The following HYDIN variants were observed in gnomAD, a reference collection of about 807,000 sequenced individuals.
The protein encoded by HYDIN is axonemal central pair apparatus protein HYDIN.
HYDIN carries 132 observed loss-of-function variants against 403.9 expected under a neutral mutation model. That is an observed-to-expected ratio of 0.33 (90% CI 0.28 to 0.38). The LOEUF is 0.38. HYDIN is among the 10% of genes least tolerant of loss of function. The pLI is 1.00. For missense variants in HYDIN, 2,827 were observed against 5,009.5 expected, an observed-to-expected ratio of 0.56 and a Z score of 13.15; for synonymous variants, 1,202 against 1,891.7, an observed-to-expected ratio of 0.64 and a Z score of 9.46.
intron 18 of HYDIN, among the ~76,000 whole-genome samples, chr16:71,032,183 T>A (rs2080938156): frequency 1.3e-5 from 2 of 152,146 alleles, no homozygotes; most frequent in African/African-American, 4.8e-5. Context: ...ACCGTCCAAT[T>A]CTCAAACAAG....
intron 18 of HYDIN, among the ~76,000 whole-genome samples, chr16:71,055,915 C>G (rs1406745643): frequency 6.6e-6 from 1 of 152,110 alleles, no homozygotes; most frequent in African/African-American, 2.4e-5. Flanking sequence ...CTCTGCCTAG[C>G]AAGGGGCACC....
intron 77 of HYDIN, among the ~76,000 whole-genome samples, chr16:70,836,745 A>C (rs2037452166): frequency 6.6e-6 from 1 of 152,212 alleles, no homozygotes; most frequent in African/African-American, 2.4e-5. Context: ...TTGTCTAAAA[A>C]GGCAAGAGAG....
intron 5 of HYDIN, among the ~76,000 whole-genome samples, chr16:71,172,394 G>A (rs1407314432): frequency 6.6e-6 from 1 of 152,160 alleles, no homozygotes; most frequent in East Asian, 1.9e-4. Flanking sequence ...ACAAATTTAA[G>A]AGGTCAAGAA....
intron 18 of HYDIN, among the ~76,000 whole-genome samples, chr16:71,046,854 C>T (rs1469307581): frequency 2.0e-5 from 3 of 152,074 alleles, no homozygotes; most frequent in African/African-American, 7.2e-5. Context: ...ACTATCAGTG[C>T]ACAAAACAGG....
rs1340164811 is a variant in HYDIN at position 71,186,614 on chromosome 16, C to T, written c.135+147G>A. On this transcript the variant is annotated intron_variant, in intron 2 of 85. Transcript: ENST00000393567. ...CTTCTCAGGCTTTAAAAGGTATCTA[C>T]ACTCTGCAGAAAGCTACCATTATAA... 18 of 652,516 alleles carry T rather than the reference C, an allele frequency of 2.8e-5. No homozygotes were observed. In the South Asian group the frequency reaches 3.6e-4, roughly 13 times the overall value. The allele number at this position is 652,516 out of a possible 1,614,324, so 40.4% of individuals were successfully genotyped here. A position where few individuals can be genotyped will look rare whatever the true frequency, so the allele number is the denominator to read the frequency against.
chr16:71,118,247 A>G (rs1214127874), intron 9 of HYDIN, among the ~76,000 whole-genome samples: 2 of 151,480 alleles, frequency 1.3e-5, no homozygotes, highest in South Asian at 4.2e-4. Flanking sequence ...TAGTCACTCA[A>G]TGTACATTTT....
intron 45 of HYDIN, among the ~76,000 whole-genome samples, chr16:70,921,654 G>C (rs1407009960): frequency 6.6e-6 from 1 of 152,128 alleles, no homozygotes; most frequent in African/African-American, 2.4e-5. Flanking sequence ...GCCTCTCTCT[G>C]CCTCATCTGT....
intron 4 of HYDIN, among the ~76,000 whole-genome samples, chr16:71,178,270 T>C (rs2086752148): frequency 2.0e-5 from 3 of 151,646 alleles, no homozygotes. Context: ...AAATACAAAA[T>C]TAGTTGCGTG....
intron 67 of HYDIN, among the ~76,000 whole-genome samples, chr16:70,864,099 G>A (rs2143627686): frequency 6.6e-6 from 1 of 152,214 alleles, no homozygotes; most frequent in Non-Finnish European, 1.5e-5. Context: ...GAGAGGCCAG[G>A]GCAGGTGGAT....
intron 10 of HYDIN, among the ~76,000 whole-genome samples, chr16:71,094,613 A>C (rs982433861): frequency 3.3e-5 from 5 of 152,230 alleles, no homozygotes; most frequent in African/African-American, 1.2e-4. Flanking sequence ...CAGATCTACA[A>C]AAAGACTATC....
intron 50 of HYDIN, among the ~76,000 whole-genome samples, chr16:70,904,732 C>T (rs1244908377): frequency 3.3e-5 from 5 of 151,156 alleles, no homozygotes. Context: ...GAACTGGTGA[C>T]CTCAGATGAT....
At chr16:70,843,625 T>C (rs1180546222) in intron 75 of HYDIN, among the ~76,000 whole-genome samples, 2 of 132,856 alleles carry the variant, frequency 1.5e-5, no homozygotes, top group Non-Finnish European at 3.1e-5. Context: ...CACACTGACT[T>C]CCACAATGGT....
In HYDIN at chr16:70,810,060, G is replaced by A. The variant is rs531883310; in HGVS notation, c.14659-53C>T. 5 of 1,520,220 alleles carry A rather than the reference G, an allele frequency of 3.3e-6. No individual in the cohort carries two copies. The East Asian group carries it at 6.8e-5, about 21-fold the overall frequency. The allele number at this position is 1,520,220 out of a possible 1,614,324, so 94.2% of individuals were successfully genotyped here. A position where few individuals can be genotyped will look rare whatever the true frequency, so the allele number is the denominator to read the frequency against. On this transcript the variant is annotated intron_variant, in intron 84 of 85. Coordinates refer to ENST00000393567, the MANE Select transcript of HYDIN (RefSeq NM_001270974.2). The stretch of plus-strand genomic sequence containing the variant: ...ATGCTGAAAGGCTAATTCATCACCT[G>A]CCACCTAGAGACCTGCCCAAGGCTC...
At chr16:71,002,975 T>G (rs2079768891) in intron 23 of HYDIN, among the ~76,000 whole-genome samples, 1 of 152,150 alleles carries the variant, frequency 6.6e-6, no homozygotes, top group Non-Finnish European at 1.5e-5. Context: ...TAGTGTGAGT[T>G]TAAGGATCTG....
chr16:71,065,942 G>A (rs560429496), intron 15 of HYDIN, among the ~76,000 whole-genome samples: 2 of 152,158 alleles, frequency 1.3e-5, no homozygotes, highest in African/African-American at 4.8e-5. Flanking sequence ...TAACCGCAAA[G>A]TTTGTGATTT....
chr16:70,940,507 G>T (rs938871969), intron 43 of HYDIN, among the ~76,000 whole-genome samples: 2 of 151,716 alleles, frequency 1.3e-5, no homozygotes. Flanking sequence ...TACCATCTTA[G>T]GACATTTCAA....
chr16:71,193,859 T>C (rs1002321792), intron 1 of HYDIN, among the ~76,000 whole-genome samples: 1 of 152,208 alleles, frequency 6.6e-6, no homozygotes, highest in African/African-American at 2.4e-5. Flanking sequence ...ACTTTTTTTC[T>C]GCCATCTTCT....
chr16:71,178,494 G>T (rs2086775894), intron 4 of HYDIN, among the ~76,000 whole-genome samples: 1 of 143,922 alleles, frequency 6.9e-6, no homozygotes, highest in Non-Finnish European at 1.5e-5. Flanking sequence ...TATATATACA[G>T]ACATACATAT....
At chr16:71,151,132 C>G (rs1180226119) in intron 7 of HYDIN, among the ~76,000 whole-genome samples, 1 of 152,152 alleles carries the variant, frequency 6.6e-6, no homozygotes, top group Non-Finnish European at 1.5e-5. Flanking sequence ...ACTGATGCCC[C>G]AATGTGTTAT....
Sources: gnomAD v4.1 joint callset for allele counts (sites outside exome capture counted in the v4.1 genomes callset) on GRCh38, gnomAD v4.1.1 for gene constraint, MANE v1.5 for transcripts, NCBI Gene and HGNC (gene_info 2026-07-23, HGNC 2026-07-21) for gene names.